PPP1R10: variants seen among roughly 807,000 people sequenced by gnomAD.
The protein encoded by PPP1R10 is serine/threonine-protein phosphatase 1 regulatory subunit 10.
Under a neutral mutation model 99.0 loss-of-function variants are expected in PPP1R10, and 15 were observed. The observed-to-expected ratio is 0.15, with a 90% CI of 0.10 to 0.23. The LOEUF (loss-of-function observed/expected upper bound fraction) is 0.23. PPP1R10 is among the 10% of genes least tolerant of loss of function. The pLI is 1.00. For missense variants in PPP1R10, 947 were observed against 1,259.4 expected, an observed-to-expected ratio of 0.75 and a Z score of 3.75; for synonymous variants, 430 against 449.5, an observed-to-expected ratio of 0.96 and a Z score of 0.55.
intron 5 of PPP1R10, among the ~76,000 whole-genome samples, 200 bp downstream of exon 5, chr6:30,608,579 G>C (rs1804211740): frequency 6.6e-6 from 1 of 152,170 alleles, no homozygotes; most frequent in Non-Finnish European, 1.5e-5. Context: ...GGGATCACAG[G>C]CGTGAGCCAC....
intron 5 of PPP1R10, 23 bp downstream of exon 5, chr6:30,608,756 C>G: frequency 6.2e-7 from 1 of 1,607,816 alleles, no homozygotes; most frequent in East Asian, 2.2e-5. Context: ...AAGGAAGAAT[C>G]AGGGTTTAAA....
At chr6:30,607,943 C>T (rs758364232) in intron 5 of PPP1R10, 52 bp from the exon 6 acceptor site, 14 of 1,568,290 alleles carry the variant, frequency 8.9e-6, no homozygotes, top group Non-Finnish European at 1.2e-5. Context: ...CAAATAATTC[C>T]ACTTAGAGCT....
At chr6:30,603,364 G>C in intron 16 of PPP1R10, 79 bp from the exon 17 acceptor site, 1 of 1,575,622 alleles carries the variant, frequency 6.3e-7, no homozygotes, top group Non-Finnish European at 8.7e-7. Flanking sequence ...AAGATTAGGG[G>C]TAAGTGGGTA....
At chr6:30,608,301 CTTT>C (rs1190279084) in intron 5 of PPP1R10, among the ~76,000 whole-genome samples, 7 of 111,726 alleles carry the variant, frequency 6.3e-5, no homozygotes, top group African/African-American at 1.7e-4. Context: ...TGACACATTC[CTTT>C]TTTTTTTTTT....
chr6:30,609,023 C>A lies in PPP1R10; in HGVS notation c.194+54G>T. The A allele has an allele frequency of 1.9e-6, 3 of 1,611,596 alleles. No homozygotes were observed. The highest frequency in any genetic ancestry group is 2.5e-6 in the Non-Finnish European group (3 of 1,177,808). On this transcript the variant is annotated intron_variant, in intron 4 of 19. Transcript: ENST00000376511. This position sits in a 1 kb window ranked among gnomAD's most constrained non-coding sequence, Gnocchi z 4.5. ...ATGACCGAGGAACCCCATGCCTCAC[C>A]GCCCCATCTTTTCGCTACACCTTCC...
At position 30,602,463 on chromosome 6, in the gene PPP1R10, C is replaced by T. The variant is rs142321584; in HGVS notation, c.2186G>A (p.Arg729His). 6 of 1,595,858 alleles carry T rather than the reference C, an allele frequency of 3.8e-6. No individual in the cohort carries two copies. Among genetic ancestry groups the T allele is most frequent in the South Asian group, 1.1e-5 (1 of 89,620 alleles). Residue 729 changes from arginine to histidine, a missense_variant, in exon 19 of 20, where the codon CGC becomes CAC. Around this residue, in one of 10 missense-constraint regions of PPP1R10, gnomAD observed 525 missense variants for 578.8 expected, o/e 0.91. Transcript: ENST00000376511. This position sits in a 1 kb window ranked among gnomAD's most constrained non-coding sequence, Gnocchi z 6.7. The stretch of plus-strand genomic sequence containing the variant: ...TCCATTTGGGGGTCCTCCTCCAGAG[C>T]GACCTCCTCTGGCGCCTCGGAATGG... ...PPPFRGARGG[R>H]SGGGPPNGRG...
At chr6:30,605,198 C>T (rs1803803187) in intron 10 of PPP1R10, 104 bp from the exon 11 acceptor site, 2 of 916,460 alleles carry the variant, frequency 2.2e-6, no homozygotes, top group Admixed American at 2.4e-5. Flanking sequence ...GACCCTGCCT[C>T]AACTTAGGAC....
At chr6:30,607,996 T>TA in intron 5 of PPP1R10, 105 bp from the exon 6 acceptor site, 1 of 1,218,318 alleles carries the variant, frequency 8.2e-7, no homozygotes, top group Non-Finnish European at 1.2e-6. Context: ...TTTTTTTTTT[T>TA]TTTATTTTTT....
At chr6:30,611,374 A>G (rs1804536868) in intron 2 of PPP1R10, among the ~76,000 whole-genome samples, 1 of 152,264 alleles carries the variant, frequency 6.6e-6, no homozygotes, top group African/African-American at 2.4e-5. Flanking sequence ...CCTTTGGGCA[A>G]TAAGGCCCAC....
chr6:30,602,783 T>C lies in PPP1R10; in HGVS notation c.1957+63A>G. The C allele has an allele frequency of 6.5e-7, 1 of 1,548,038 alleles. No homozygotes were observed. The highest frequency in any genetic ancestry group is 8.8e-7 in the Non-Finnish European group (1 of 1,139,706). ...CCACCTCCCACCTTCCAGTCAATCC[T>C]ATACTATTATCAGACTGAAATTAAG... On this transcript the variant is annotated intron_variant, in intron 18 of 19. Coordinates refer to ENST00000376511, the MANE Select transcript of PPP1R10 (RefSeq NM_002714.4). The surrounding 1 kb of genome is among the most constrained non-coding windows in gnomAD (Gnocchi z 6.7).
At position 30,606,948 on chromosome 6, in the gene PPP1R10, A is replaced by C. The variant is rs1397438522; in HGVS notation, c.383-92T>G. On this transcript the variant is annotated intron_variant, in intron 6 of 19. Transcript: ENST00000376511. The surrounding 1 kb of genome is among the most constrained non-coding windows in gnomAD (Gnocchi z 6.3). ...GGGAGGTTTGAGAAAATATTGTGAAAATTTATGTAACGGAGAAAGTAACCC... is the reference window on the plus strand; with the variant it reads ...GGGAGGTTTGAGAAAATATTGTGAACATTTATGTAACGGAGAAAGTAACCC... 8.4e-7 allele frequency: 1 copy of C among 1,185,790 alleles called. No individual in the cohort carries two copies. Among genetic ancestry groups the C allele is most frequent in the African/African-American group, 1.5e-5 (1 of 65,094 alleles). The allele number at this position is 1,185,790 out of a possible 1,614,324, so 73.5% of individuals were successfully genotyped here. A position where few individuals can be genotyped will look rare whatever the true frequency, so the allele number is the denominator to read the frequency against.
rs1440808677 is a variant in PPP1R10 at position 30,602,852 on chromosome 6, T to C, written c.1951A>G (p.Met651Val). ...QHFPPGPGGP[M>V]PGPHGGPGGP... ...CCTTTTACTCACCACCTACCTGGCA[T>C]AGGTCCCCCAGGTCCAGGGGGAAAG... The change falls in exon 18 of 20, where the codon ATG becomes GTG. Residue 651 changes from methionine (M) to valine (V), a missense_variant. By Grantham distance (21) the Met-to-Val change is conservative. Transcript: ENST00000376511. The surrounding 1 kb of genome is among the most constrained non-coding windows in gnomAD (Gnocchi z 6.7). 3.9e-6 allele frequency: 6 copies of C among 1,554,130 alleles called. No individual in the cohort carries two copies. The highest frequency in any genetic ancestry group is 3.9e-5 in the Admixed American group (2 of 51,354).
Position 30,606,029 on chromosome 6 carries a change from T to A in PPP1R10, c.747A>T (p.Val249=), listed in dbSNP as rs781589881. The A allele has an allele frequency of 6.2e-7, 1 of 1,613,916 alleles. No individual in the cohort carries two copies. The highest frequency in any genetic ancestry group is 1.3e-5 in the African/African-American group (1 of 74,906). ...GGGGAGTGGCATCTCCTGGAGCAGC[T>A]ACGTTGCTGTCAGAAGAGGAACTGT... is the stretch of plus-strand genomic sequence containing the variant. ...KPIPLKRQSN[V]AAPGDATPPA... is the part of the protein sequence containing the mutation. Residue 249 remains valine (V), a synonymous_variant, in exon 10 of 20, where the codon GTA becomes GTT. Transcript: ENST00000376511. This position sits in a 1 kb window ranked among gnomAD's most constrained non-coding sequence, Gnocchi z 6.3.
chr6:30,608,774 G>T lies in PPP1R10; in HGVS notation c.330+5C>A. On this transcript the variant is annotated splice_donor_5th_base_variant and intron_variant, in intron 5 of 19. Coordinates refer to ENST00000376511, the MANE Select transcript of PPP1R10 (RefSeq NM_002714.4). ...GAAGAATCAGGGTTTAAAGACTAAA[G>T]GTACCTGCTTGAGATGGTCTACAGT... 1 of 1,613,542 alleles carries T rather than the reference G, an allele frequency of 6.2e-7. No homozygotes were observed.
rs778076429 is a variant in PPP1R10 at position 30,605,003 on chromosome 6, C to T, written c.945G>A (p.Thr315=). Residue 315 remains threonine, a synonymous_variant, in exon 11 of 20, where the codon ACG becomes ACA. Coordinates refer to ENST00000376511, the MANE Select transcript of PPP1R10 (RefSeq NM_002714.4). ...IKKKKKVLSP[T]AAKPSPFEGK... is the part of the protein sequence containing the mutation. ...TTCTGGGAGCCCATACCTTGGCAGC[C>T]GTAGGTGACAGTACTTTTTTTTTCT... 3.1e-6 allele frequency: 5 copies of T among 1,612,864 alleles called. No homozygotes were observed. The East Asian group carries it at 6.7e-5, about 22-fold the overall frequency.
In PPP1R10 at chr6:30,604,820, C is replaced by A; in HGVS notation, c.955-85G>T. The A allele has an allele frequency of 6.3e-7, 1 of 1,578,970 alleles. No individual in the cohort carries two copies. Among genetic ancestry groups the A allele is most frequent in the South Asian group, 1.1e-5 (1 of 90,314 alleles). ...GTCCAGGGTCCCAGGCACAGTCCCC[C>A]AACAGTTCCTATATAAAGGAAGACT... On this transcript the variant is annotated intron_variant, in intron 11 of 19. Coordinates refer to ENST00000376511, the MANE Select transcript of PPP1R10 (RefSeq NM_002714.4). The surrounding 1 kb of genome is among the most constrained non-coding windows in gnomAD (Gnocchi z 7.3).
chr6:30,607,758 TC>T, intron 6 of PPP1R10, 81 bp downstream of exon 6: 2 of 1,467,600 alleles, frequency 1.4e-6, no homozygotes, highest in Admixed American at 3.4e-5. Flanking sequence ...GAAGGGACAA[TC>T]CAAGGATGGG....
chr6:30,606,338 T>C lies in PPP1R10; in HGVS notation c.635-95A>G. 6.4e-7 allele frequency: 1 copy of C among 1,565,352 alleles called. No homozygotes were observed. Among genetic ancestry groups the C allele is most frequent in the East Asian group, 2.3e-5 (1 of 44,444 alleles). On this transcript the variant is annotated intron_variant, in intron 8 of 19. Coordinates refer to ENST00000376511, the MANE Select transcript of PPP1R10 (RefSeq NM_002714.4). This position sits in a 1 kb window ranked among gnomAD's most constrained non-coding sequence, Gnocchi z 6.3. ...ACCCGCAAATGTTCTTCTAGCCTTG[T>C]AACCAAAGCTTCCTCTGCTAGTCTT...
Position 30,616,565 on chromosome 6 carries a change from G to C in PPP1R10, c.-99C>G, listed in dbSNP as rs996986905. The C allele has an allele frequency of 6.6e-6, 1 of 151,990 alleles. No homozygotes were observed. The highest frequency in any genetic ancestry group is 2.4e-5 in the African/African-American group (1 of 41,350). The allele number at this position is 151,990 out of a possible 1,614,324, so 9.4% of individuals were successfully genotyped here. A position where few individuals can be genotyped will look rare whatever the true frequency, so the allele number is the denominator to read the frequency against. On this transcript the variant is annotated 5_prime_UTR_variant, in exon 2 of 20. Coordinates refer to ENST00000376511, the MANE Select transcript of PPP1R10 (RefSeq NM_002714.4). ...GAAAAAAAATAAAACAACCAACCAGGACCCAAAACTCAATTATTTAGGGGG... is the reference window on the plus strand; with the variant it reads ...GAAAAAAAATAAAACAACCAACCAGCACCCAAAACTCAATTATTTAGGGGG...
Sources: gnomAD v4.1 joint callset for allele counts (sites outside exome capture counted in the v4.1 genomes callset) on GRCh38, gnomAD v4.1.1 for gene constraint, gnomAD v4.1.1 regional missense constraint, Gnocchi (gnomAD v3.1) non-coding constraint, MANE v1.5 for transcripts, NCBI Gene and HGNC (gene_info 2026-07-23, HGNC 2026-07-21) for gene names.